Variants in UNC45B observed in about 807,000 individuals in gnomAD.
UNC45B encodes protein unc-45 homolog B.
Under a neutral mutation model 98.7 loss-of-function variants are expected in UNC45B, and 78 were observed. The ratio of observed to expected loss-of-function variants is 0.79; its 90% confidence interval spans 0.66 to 0.95. The LOEUF is 0.95. UNC45B is among the 40% of genes least tolerant of loss of function. The pLI is 0.00. For synonymous variants in UNC45B, 462 were observed against 480.4 expected, an observed-to-expected ratio of 0.96 and a Z score of 0.50; for missense variants, 1,225 against 1,184.9, an observed-to-expected ratio of 1.03 and a Z score of -0.50.
rs750481019 is a variant in UNC45B, at chr17:35,183,447, T to G, written c.2394T>G (p.Ala798=). ...CACAGGTACAGGAAAGGTTCTTGGC[T>G]GACGGGAATGACCGGCTGAAGCTGG... The part of the protein sequence containing the change: ...LHKEVQERFL[A]DGNDRLKLVV... The change falls in exon 19 of 20, where the codon GCT becomes GCG. Residue 798 remains alanine (A), a synonymous_variant. Transcript: ENST00000394570. 6.3e-7 allele frequency: 1 copy of G among 1,595,206 alleles called. No homozygotes were observed. Among genetic ancestry groups the G allele is most frequent in the East Asian group, 2.3e-5 (1 of 44,132 alleles).
At chr17:35,169,748 G>A in intron 10 of UNC45B, 89 bp from the exon 11 acceptor site, 1 of 1,148,634 alleles carries the variant, frequency 8.7e-7, no homozygotes, top group Non-Finnish European at 1.3e-6. Context: ...GAAGTGTTCT[G>A]GCCATAGAAA....
chr17:35,180,618 A>C lies in UNC45B; in HGVS notation c.2315A>C (p.His772Pro). ...PDIENYMFENHDQLRQAATEC... is the reference protein window; with the variant it reads ...PDIENYMFENPDQLRQAATEC... ...ATCGAGAACTACATGTTTGAGAATCATGATCAGCTGCGGCAGGCGGCCACC... is the reference window on the plus strand; with the variant it reads ...ATCGAGAACTACATGTTTGAGAATCCTGATCAGCTGCGGCAGGCGGCCACC... The change falls in exon 18 of 20, where the codon CAT becomes CCT. Residue 772 changes from histidine to proline, a missense_variant. Transcript: ENST00000394570. 1 of 1,614,078 alleles carries C rather than the reference A, an allele frequency of 6.2e-7. No homozygotes were observed. Among genetic ancestry groups the C allele is most frequent in the Non-Finnish European group, 8.5e-7 (1 of 1,179,988 alleles).
chr17:35,154,567 C>T lies in UNC45B; in HGVS notation c.472-7C>T. The T allele has an allele frequency of 6.2e-7, 1 of 1,612,214 alleles. No homozygotes were observed. On this transcript the variant is annotated splice_region_variant and splice_polypyrimidine_tract_variant and intron_variant, in intron 5 of 19. Transcript: ENST00000394570. ...CTCGTAACCCTTATTGCCTCTTCCT[C>T]CTTCAGGCTGCCAACAATCTCATTG...
Position 35,160,007 on chromosome 17 carries a change from C to T in UNC45B, c.979+462C>T, listed in dbSNP as rs372864476. On this transcript the variant is annotated intron_variant, in intron 8 of 19. Transcript: ENST00000394570. ...TTTTGCCAAGATTACGGACATGCCCCGCAGAGAGGAAACACAGAATCACAG... is the reference window on the plus strand; with the variant it reads ...TTTTGCCAAGATTACGGACATGCCCTGCAGAGAGGAAACACAGAATCACAG... Among the ~76,000 whole-genome samples, 53 of 152,316 alleles carry T rather than the reference C, an allele frequency of 3.5e-4. 1 individual carries two copies. The South Asian group carries it at 9.5e-3, about 27-fold the overall frequency.
intron 18 of UNC45B, among the ~76,000 whole-genome samples, chr17:35,181,640 C>T (rs2092274406): frequency 6.6e-6 from 1 of 151,914 alleles, no homozygotes; most frequent in Non-Finnish European, 1.5e-5. Flanking sequence ...AAAGTACAAA[C>T]ATTAGCCAGG....
At position 35,168,226 on chromosome 17, in the gene UNC45B, G is replaced by T. The variant is rs767480696; in HGVS notation, c.1317G>T (p.Leu439=). Residue 439 remains leucine (L), a synonymous_variant, in exon 10 of 20, where the codon CTG becomes CTT. Coordinates refer to ENST00000394570, the MANE Select transcript of UNC45B (RefSeq NM_001267052.2). The part of the protein sequence containing the change: ...LCGSERETDQ[L]VAVEALIHAS... The stretch of plus-strand genomic sequence containing the variant: ...GCTCAGAGCGCGAGACGGACCAGCT[G>T]GTGGCCGTGGAGGCCCTCATCCATG... 5 of 1,591,396 alleles carry T rather than the reference G, an allele frequency of 3.1e-6. No individual in the cohort carries two copies. The African/African-American group carries it at 5.4e-5, about 17-fold the overall frequency.
intron 14 of UNC45B, among the ~76,000 whole-genome samples, chr17:35,175,060 G>GAAGAAAGAAAGA (rs55847819): frequency 0.025 from 2,715 of 110,104 alleles, 77 homozygotes; most frequent in East Asian, 0.1. Context: ...AGAAAGGAAA[G>GAAGAAAGAAAGA]AAGAAAGAAA....
rs139404866 is a variant in UNC45B at position 35,148,307 on chromosome 17, G to A, written c.44G>A (p.Arg15Gln). ...GTACAGCTGAAGGAGGAAGGAAACC[G>A]GCATTTCCAGCTCCAGGACTACAAG... ...EAVQLKEEGNRHFQLQDYKAA... is the reference protein window; with the variant it reads ...EAVQLKEEGNQHFQLQDYKAA... The change falls in exon 2 of 20, where the codon CGG (arginine) becomes CAG (glutamine). Residue 15 changes from arginine to glutamine, a missense_variant. Coordinates refer to ENST00000394570, the MANE Select transcript of UNC45B (RefSeq NM_001267052.2). The A allele has an allele frequency of 8.0e-5, 129 of 1,614,002 alleles. No individual in the cohort carries two copies. Among genetic ancestry groups the A allele is most frequent in the Admixed American group, 1.5e-4 (9 of 59,996 alleles).
intron 10 of UNC45B, among the ~76,000 whole-genome samples, chr17:35,168,892 A>G (rs1188882937): frequency 1.3e-5 from 2 of 152,172 alleles, no homozygotes; most frequent in Non-Finnish European, 2.9e-5. Context: ...TTTTTAATAG[A>G]GACGGGGTTT....
At position 35,171,365 on chromosome 17, in the gene UNC45B, T is replaced by G; in HGVS notation, c.1733T>G (p.Val578Gly). The G allele has an allele frequency of 1.2e-6, 2 of 1,614,228 alleles. No homozygotes were observed. Among genetic ancestry groups the G allele is most frequent in the Non-Finnish European group, 1.7e-6 (2 of 1,180,042 alleles). ...CTGTACTCGGTGGCCACCACCCTGG[T>G]GAACTGCACCAACAGCTACGATGTC... is the stretch of plus-strand genomic sequence containing the variant. ...TILYSVATTL[V>G]NCTNSYDVKE... is the part of the protein sequence containing the mutation. The change falls in exon 13 of 20, where the codon GTG becomes GGG. Residue 578 changes from valine to glycine, a missense_variant. Val to Gly is a moderately radical substitution (Grantham distance 109, BLOSUM62 -3). Transcript: ENST00000394570.
Position 35,148,932 on chromosome 17 carries a change from C to G in UNC45B, c.169-41C>G, listed in dbSNP as rs1198263362. On this transcript the variant is annotated intron_variant, in intron 2 of 19. Transcript: ENST00000394570. ...ACTCTCTGGCCATCTCTGCATTGGG[C>G]CCACATTAACCGAGTCTCCTTCTCC... is the stretch of plus-strand genomic sequence containing the variant. 2.5e-6 allele frequency: 4 copies of G among 1,613,274 alleles called. No homozygotes were observed. The African/African-American group carries it at 4.0e-5, about 16-fold the overall frequency.
At chr17:35,181,989 G>A (rs540261759) in intron 18 of UNC45B, among the ~76,000 whole-genome samples, 2 of 152,072 alleles carry the variant, frequency 1.3e-5, no homozygotes, top group South Asian at 2.1e-4. Context: ...TGGGAGCACC[G>A]GCTGCTGCAA....
chr17:35,166,080 C>T (rs1597918321), intron 9 of UNC45B, among the ~76,000 whole-genome samples: 1 of 52,256 alleles, frequency 1.9e-5, no homozygotes, highest in Non-Finnish European at 3.6e-5. Flanking sequence ...GAGAGACCCT[C>T]ATCTCTAAAA....
chr17:35,166,086 T>TAAAAAAAAAAAAAAA (rs55844448), intron 9 of UNC45B, among the ~76,000 whole-genome samples: 9 of 58,110 alleles, frequency 1.5e-4, no homozygotes, highest in Non-Finnish European at 1.8e-4. Flanking sequence ...CCCTCATCTC[T>TAAAAAAAAAAAAAAA]AAAAAAAAAA....
At chr17:35,162,039 C>T (rs778015140) in intron 8 of UNC45B, among the ~76,000 whole-genome samples, 42 of 152,226 alleles carry the variant, frequency 2.8e-4, no homozygotes, top group Admixed American at 7.2e-4. Context: ...TTGCCCTCTG[C>T]ATCTCTTCCA....
At chr17:35,168,952 C>A (rs531336562) in intron 10 of UNC45B, among the ~76,000 whole-genome samples, 7 of 152,090 alleles carry the variant, frequency 4.6e-5, no homozygotes, top group Non-Finnish European at 8.8e-5. Context: ...GGTGATCCAC[C>A]CCCCTGGGCC....
At chr17:35,185,659 T>C (rs1299560692) in intron 19 of UNC45B, among the ~76,000 whole-genome samples, 2 of 152,078 alleles carry the variant, frequency 1.3e-5, no homozygotes, top group African/African-American at 4.8e-5. Flanking sequence ...TTCTACTTGT[T>C]GAGCACTTAC....
intron 8 of UNC45B, among the ~76,000 whole-genome samples, chr17:35,162,449 C>A (rs115360013): frequency 1.3e-5 from 2 of 152,122 alleles, no homozygotes; most frequent in Non-Finnish European, 2.9e-5. Flanking sequence ...TACTGCCAGG[C>A]GCTTTCTTTT....
intron 9 of UNC45B, 166 bp downstream of exon 9, chr17:35,164,332 T>C: frequency 1.4e-6 from 1 of 737,488 alleles, no homozygotes; most frequent in Non-Finnish European, 2.0e-6. Context: ...TTATGGTCTT[T>C]CATGAAGTTA....
Sources: allele counts gnomAD v4.1 joint callset (sites outside exome capture counted in the v4.1 genomes callset), GRCh38; gene constraint gnomAD v4.1.1; transcripts MANE v1.5; gene names NCBI Gene and HGNC (gene_info 2026-07-23, HGNC 2026-07-21).